The following NSMCE2 variants were observed in gnomAD, a reference collection of about 807,000 sequenced individuals.
The protein encoded by NSMCE2 is E3 SUMO-protein ligase NSE2.
A neutral mutation model predicts 23.8 loss-of-function variants in NSMCE2; 24 were observed. The ratio of observed to expected loss-of-function variants is 1.01; its 90% CI spans 0.73 to 1.42. The LOEUF (loss-of-function observed/expected upper bound fraction) is 1.42, where lower values mean the gene tolerates loss of function less well. Among genes scored for constraint, NSMCE2 ranks in the 40% most tolerant of loss-of-function variants. The pLI is 0.00. For synonymous variants in NSMCE2, 92 were observed against 94.1 expected (o/e 0.98, Z 0.13); for missense variants, 284 against 296.5 (o/e 0.96, Z 0.31).
rs772345373 is a variant in NSMCE2, at chr8:125,366,869, A to G, written c.728A>G (p.His243Arg). 3 of 1,605,310 alleles carry G rather than the reference A, an allele frequency of 1.9e-6. No individual in the cohort carries two copies. In the South Asian group the frequency reaches 3.3e-5, roughly 18 times the overall value. ...RAIENHNKKRHRHSE is the reference protein window; with the variant it reads ...RAIENHNKKRRRHSE Reference sequence around the variant, plus strand: ...ATTGAGAACCATAACAAGAAAAGACATCGTCATTCCGAGTAGGAAAAGCCA... The same window carrying G: ...ATTGAGAACCATAACAAGAAAAGACGTCGTCATTCCGAGTAGGAAAAGCCA... Residue 243 changes from histidine to arginine, a missense_variant, in exon 8 of 8, where the codon CAT (histidine) becomes CGT (arginine). Physicochemically the swap from His to Arg is conservative, Grantham distance 29 (BLOSUM62 0). This residue lies in a region of NSMCE2 where 102 missense variants were observed against 141.0 expected (regional missense o/e 0.72). Transcript: ENST00000287437.
At chr8:125,321,571 C>T (rs1031566554) in intron 5 of NSMCE2, among the ~76,000 whole-genome samples, 3 of 152,112 alleles carry the variant, frequency 2.0e-5, no homozygotes, top group African/African-American at 4.8e-5. Context: ...CAAAACCAGG[C>T]AAAGTTATTA....
At chr8:125,105,917 T>G (rs4871570) in intron 3 of NSMCE2, among the ~76,000 whole-genome samples, 11,269 of 152,188 alleles carry the variant, frequency 0.074, 508 homozygotes, top group South Asian at 0.15. Flanking sequence ...AAAGTTAATT[T>G]AAGAAAAATT....
intron 5 of NSMCE2, among the ~76,000 whole-genome samples, chr8:125,331,050 C>T (rs554280044): frequency 6.6e-6 from 1 of 152,250 alleles, no homozygotes; most frequent in African/African-American, 2.4e-5. Flanking sequence ...ACCTGTAATC[C>T]CAGCACTTTG....
chr8:125,209,388 G>A (rs1824240486), intron 5 of NSMCE2, among the ~76,000 whole-genome samples: 1 of 152,054 alleles, frequency 6.6e-6, no homozygotes, highest in African/African-American at 2.4e-5. Flanking sequence ...AATAATTGGG[G>A]GAATTTCCTT....
At chr8:125,242,247 A>T (rs1330334326) in intron 5 of NSMCE2, among the ~76,000 whole-genome samples, 2 of 152,142 alleles carry the variant, frequency 1.3e-5, no homozygotes, top group Non-Finnish European at 2.9e-5. Flanking sequence ...GAGGAAGCTG[A>T]TGGGGAAACG....
In NSMCE2 at chr8:125,333,505, CTTTTT is replaced by C. The variant is rs71295847; in HGVS notation, c.419-23691_419-23687del. Among the ~76,000 whole-genome samples, 187 of 45,598 alleles carry C rather than the reference CTTTTT, an allele frequency of 4.1e-3. 1 individual carries two copies. The highest frequency in any genetic ancestry group is 0.017 in the African/African-American group (179 of 10,568). The allele number at this position is 45,598 out of a possible 152,430, so 29.9% of individuals were successfully genotyped here. On this transcript the variant is annotated intron_variant, in intron 5 of 7. Transcript: ENST00000287437. ...TTCTAATGTAGTTTTCCTGGTGGTT[CTTTTT>C]TTTTTTTTTTTTTTTTTTTTTTGAG...
At chr8:125,342,807 T>G (rs773105631) in intron 5 of NSMCE2, among the ~76,000 whole-genome samples, 3 of 152,222 alleles carry the variant, frequency 2.0e-5, no homozygotes, top group Non-Finnish European at 2.9e-5. Flanking sequence ...CAGGTAGCCC[T>G]GCCTCGATTG....
At position 125,320,303 on chromosome 8, in the gene NSMCE2, A is replaced by AGGAAGGGAAG. The variant is rs112332324; in HGVS notation, c.419-36909_419-36900dup. Among the ~76,000 whole-genome samples, 16 of 118,014 alleles carry AGGAAGGGAAG rather than the reference A, an allele frequency of 1.4e-4. 1 individual carries two copies. Among genetic ancestry groups the AGGAAGGGAAG allele is most frequent in the African/African-American group, 5.0e-4 (16 of 32,030 alleles). 77.4% of individuals were successfully genotyped at this position (118,014 alleles called of 152,430 possible). On this transcript the variant is annotated intron_variant, in intron 5 of 7. Coordinates refer to ENST00000287437, the MANE Select transcript of NSMCE2 (RefSeq NM_173685.4). ...AAGGAAGGAAGGAAGGAAGGAAGGA[A>AGGAAGGGAAG]GGAAGGGAAGGGAAGGAAGGGAAGG...
intron 4 of NSMCE2, among the ~76,000 whole-genome samples, chr8:125,163,425 T>C (rs1323802769): frequency 6.6e-6 from 1 of 152,238 alleles, no homozygotes; most frequent in Non-Finnish European, 1.5e-5. Context: ...GATAAGCATG[T>C]CCAGCTGGGA....
chr8:125,284,474 A>G (rs1007100860), intron 5 of NSMCE2, among the ~76,000 whole-genome samples: 53 of 151,110 alleles, frequency 3.5e-4, no homozygotes, highest in Admixed American at 1.2e-3. Context: ...GAGAGGTTCT[A>G]TCCTTATCGA....
intron 3 of NSMCE2, among the ~76,000 whole-genome samples, chr8:125,111,132 C>T (rs1818724364): frequency 6.6e-6 from 1 of 152,074 alleles, no homozygotes; most frequent in Non-Finnish European, 1.5e-5. Context: ...GATCTAGTTC[C>T]TTTTGTCTTA....
intron 1 of NSMCE2, among the ~76,000 whole-genome samples, chr8:125,101,771 T>G (rs1490217557): frequency 1.3e-5 from 2 of 152,198 alleles, no homozygotes; most frequent in Admixed American, 1.3e-4. Context: ...GAAATTCTGC[T>G]TTCACTGACT....
chr8:125,172,792 T>C (rs1822284247), intron 4 of NSMCE2, among the ~76,000 whole-genome samples: 2 of 152,266 alleles, frequency 1.3e-5, no homozygotes, highest in Non-Finnish European at 2.9e-5. Context: ...CCAAAGTTGG[T>C]ATTTTTAATT....
intron 3 of NSMCE2, among the ~76,000 whole-genome samples, chr8:125,144,334 T>A (rs900471914): frequency 1.3e-5 from 2 of 152,214 alleles, no homozygotes; most frequent in Non-Finnish European, 2.9e-5. Flanking sequence ...TGCTCTGGAA[T>A]GAAAGTTTGA....
intron 5 of NSMCE2, among the ~76,000 whole-genome samples, chr8:125,335,800 T>C (rs1177906091): frequency 6.6e-6 from 1 of 152,174 alleles, no homozygotes; most frequent in Non-Finnish European, 1.5e-5. Context: ...GAGTTACTGA[T>C]GATTAGGGTG....
intron 5 of NSMCE2, among the ~76,000 whole-genome samples, chr8:125,240,597 A>G (rs772885690): frequency 4.6e-5 from 7 of 152,170 alleles, no homozygotes; most frequent in Non-Finnish European, 7.3e-5. Flanking sequence ...CTGTTCTTCA[A>G]TCTTCCTGCA....
At chr8:125,267,986 T>C (rs1827009824) in intron 5 of NSMCE2, among the ~76,000 whole-genome samples, 1 of 151,788 alleles carries the variant, frequency 6.6e-6, no homozygotes, top group South Asian at 2.1e-4. Flanking sequence ...CCCAGCACTT[T>C]GGGAAGCTGA....
At chr8:125,135,397 C>G (rs1208680929) in intron 3 of NSMCE2, among the ~76,000 whole-genome samples, 1 of 152,126 alleles carries the variant, frequency 6.6e-6, no homozygotes, top group Non-Finnish European at 1.5e-5. Context: ...TCTGTGACAT[C>G]CAGTTTACCA....
chr8:125,279,088 T>C (rs1321896896), intron 5 of NSMCE2, among the ~76,000 whole-genome samples: 1 of 152,168 alleles, frequency 6.6e-6, no homozygotes, highest in Admixed American at 6.5e-5. Flanking sequence ...TCTCCAAAAG[T>C]TTAGAGTTGC....
Sources: allele counts gnomAD v4.1 joint callset (sites outside exome capture counted in the v4.1 genomes callset), GRCh38; gene constraint gnomAD v4.1.1; regional missense constraint gnomAD v4.1.1; transcripts MANE v1.5; gene names NCBI Gene and HGNC (gene_info 2026-07-23, HGNC 2026-07-21).